Variants in MYO5A observed in about 807,000 individuals in gnomAD.
MYO5A encodes the protein myosin VA.
MYO5A carries 98 observed loss-of-function variants against 249.7 expected under a neutral mutation model. The observed-to-expected ratio is 0.39, with a 90% CI of 0.33 to 0.46. MYO5A has a LOEUF of 0.46. MYO5A is among the 20% of genes least tolerant of loss of function. The pLI is 0.98. For synonymous variants in MYO5A, 778 were observed against 810.6 expected, an observed-to-expected ratio of 0.96 and a Z score of 0.68; for missense variants, 1,696 against 2,308.8, an observed-to-expected ratio of 0.73 and a Z score of 5.44.
chr15:52,372,398 C>T (rs375649206), intron 20 of MYO5A, 35 bp from the exon 21 acceptor site: 130 of 1,597,588 alleles, frequency 8.1e-5, no homozygotes, highest in Non-Finnish European at 1.1e-4. Flanking sequence ...AATGTCAAGA[C>T]CCTGGACTAC....
Position 52,330,433 on chromosome 15 carries a change from G to A in MYO5A, c.4475C>T (p.Pro1492Leu). The change falls in exon 35 of 42, where the codon CCC becomes CTC. Residue 1492 changes from proline (P) to leucine (L), a missense_variant. Physicochemically the swap from Pro to Leu is moderately conservative, Grantham distance 98. Coordinates refer to ENST00000399233, the MANE Select transcript of MYO5A (RefSeq NM_001382347.1). ...IDEPIRPVNI[P>L]RKEKDFQGML... ...CCCTTGGAAATCCTTTTCTTTCCTG[G>A]GAATGTTGACTGGTCGGATGGGTTC... 6.2e-7 allele frequency: 1 copy of A among 1,613,948 alleles called. No homozygotes were observed. Among genetic ancestry groups the A allele is most frequent in the African/African-American group, 1.3e-5 (1 of 74,960 alleles).
intron 1 of MYO5A, among the ~76,000 whole-genome samples, chr15:52,508,628 C>G (rs1326766630): frequency 6.6e-6 from 1 of 152,168 alleles, no homozygotes; most frequent in Non-Finnish European, 1.5e-5. Flanking sequence ...GCCTCACCCC[C>G]ACCCCCTGCC....
At chr15:52,452,235 TA>T (rs917580268) in intron 1 of MYO5A, among the ~76,000 whole-genome samples, 132 of 151,868 alleles carry the variant, frequency 8.7e-4, no homozygotes, top group African/African-American at 3.1e-3. Context: ...AGAGAAGTAT[TA>T]AAAAAAACTC....
intron 28 of MYO5A, among the ~76,000 whole-genome samples, chr15:52,349,516 C>A (rs191007826): frequency 1.0e-3 from 155 of 152,266 alleles, no homozygotes; most frequent in African/African-American, 3.6e-3. Flanking sequence ...GAGCAGCTGT[C>A]ACATGGGGTA....
In MYO5A at chr15:52,405,166, T is replaced by C. The variant is rs1372580756; in HGVS notation, c.1053+121A>G. ...ATTCTCCTTTGGATAACATATGTCT[T>C]TGATAATTATGTTTCTGATAATATT... On this transcript the variant is annotated intron_variant, in intron 9 of 41. Coordinates refer to ENST00000399233, the MANE Select transcript of MYO5A (RefSeq NM_001382347.1). 3.8e-6 allele frequency: 3 copies of C among 780,116 alleles called. No individual in the cohort carries two copies. In the Admixed American group the frequency reaches 6.0e-5, roughly 16 times the overall value. The allele number at this position is 780,116 out of a possible 1,614,324, so 48.3% of individuals were successfully genotyped here.
chr15:52,433,141 A>G, intron 2 of MYO5A, 34 bp downstream of exon 2: 1 of 1,437,194 alleles, frequency 7.0e-7, no homozygotes, highest in Non-Finnish European at 9.8e-7. Context: ...CCTTCACTTT[A>G]TGCCAATGAC....
intron 29 of MYO5A, 111 bp downstream of exon 29, chr15:52,348,707 T>C (rs1407569198): frequency 2.1e-6 from 2 of 969,438 alleles, no homozygotes; most frequent in East Asian, 5.3e-5. Flanking sequence ...ATTCAAAATA[T>C]CAAAATAGAC....
chr15:52,501,876 TACACAC>T (rs10552352), intron 1 of MYO5A, among the ~76,000 whole-genome samples: 3,678 of 140,488 alleles, frequency 0.026, 133 homozygotes, highest in African/African-American at 0.077. Flanking sequence ...ATACATATAC[TACACAC>T]ACACACACAC....
chr15:52,439,201 C>G (rs1051447755), intron 1 of MYO5A, among the ~76,000 whole-genome samples: 1 of 152,168 alleles, frequency 6.6e-6, no homozygotes, highest in Non-Finnish European at 1.5e-5. Flanking sequence ...TGGAAGTGGC[C>G]CGCCGCCATT....
intron 1 of MYO5A, among the ~76,000 whole-genome samples, chr15:52,444,242 G>A (rs910198982): frequency 3.9e-5 from 6 of 152,146 alleles, no homozygotes; most frequent in African/African-American, 1.4e-4. Flanking sequence ...CTTAAGAACA[G>A]TGTTAATATG....
intron 25 of MYO5A, among the ~76,000 whole-genome samples, chr15:52,357,463 A>AG (rs2040294633): frequency 6.6e-6 from 1 of 151,636 alleles, no homozygotes; most frequent in East Asian, 1.9e-4. Context: ...AAAAAAAAAA[A>AG]AAAAAGAAAA....
intron 11 of MYO5A, among the ~76,000 whole-genome samples, chr15:52,394,719 A>T (rs182478301): frequency 1.3e-5 from 2 of 152,240 alleles, no homozygotes; most frequent in Non-Finnish European, 2.9e-5. Flanking sequence ...GCCAGTTCCT[A>T]AAGAGGCTGG....
chr15:52,340,613 C>T (rs188783468), intron 31 of MYO5A, among the ~76,000 whole-genome samples: 5 of 152,290 alleles, frequency 3.3e-5, no homozygotes, highest in Non-Finnish European at 5.9e-5. Flanking sequence ...ATAAAGTTCT[C>T]AGAGGCCCTA....
intron 16 of MYO5A, among the ~76,000 whole-genome samples, chr15:52,381,782 T>TCTCACACACACACA (rs11280608): frequency 6.5e-5 from 9 of 137,872 alleles, no homozygotes; most frequent in South Asian, 2.5e-4. Flanking sequence ...TCTCTCTCTC[T>TCTCACACACACACA]CACACACACA....
chr15:52,518,264 C>CAAAAAAA (rs36190580), intron 1 of MYO5A, among the ~76,000 whole-genome samples: 2 of 107,826 alleles, frequency 1.9e-5, no homozygotes, highest in African/African-American at 6.9e-5. Context: ...ACCCCTCCCA[C>CAAAAAAA]AAAAAAAAAA....
chr15:52,505,828 C>G (rs1199408655), intron 1 of MYO5A: 54 of 1,594,476 alleles, frequency 3.4e-5, no homozygotes, highest in Non-Finnish European at 4.3e-5. Flanking sequence ...GGACTATGTG[C>G]AGCCCATGGA....
chr15:52,416,548 A>T (rs377596974), intron 4 of MYO5A, among the ~76,000 whole-genome samples: 6 of 151,962 alleles, frequency 3.9e-5, no homozygotes, highest in African/African-American at 1.5e-4. Flanking sequence ...TTTATTATTT[A>T]GGTGCACCAG....
At position 52,407,147 on chromosome 15, in the gene MYO5A, T is replaced by C. The variant is rs903122240; in HGVS notation, c.946+145A>G. Reference sequence around the variant, plus strand: ...CCCAAAAAGAAATCTCCTGCCCATTTGCTGTCTAAATGTGTTCTATGTGGA... The same window carrying C: ...CCCAAAAAGAAATCTCCTGCCCATTCGCTGTCTAAATGTGTTCTATGTGGA... On this transcript the variant is annotated intron_variant, in intron 8 of 41. Transcript: ENST00000399233. 4.4e-6 allele frequency: 3 copies of C among 676,054 alleles called. No individual in the cohort carries two copies. In the African/African-American group the frequency reaches 5.4e-5, roughly 12 times the overall value. The allele number at this position is 676,054 out of a possible 1,614,324, so 41.9% of individuals were successfully genotyped here.
intron 5 of MYO5A, among the ~76,000 whole-genome samples, chr15:52,413,703 C>T (rs549433653): frequency 6.6e-6 from 1 of 152,318 alleles, no homozygotes; most frequent in Admixed American, 6.5e-5. Flanking sequence ...TCTTCAGCTC[C>T]ATATCACATT....
Sources: gnomAD v4.1 joint callset for allele counts (sites outside exome capture counted in the v4.1 genomes callset) on GRCh38, gnomAD v4.1.1 for gene constraint, MANE v1.5 for transcripts, NCBI Gene and HGNC (gene_info 2026-07-23, HGNC 2026-07-21) for gene names.